HNF4A: variants seen among roughly 807,000 people sequenced by gnomAD.
The protein encoded by HNF4A is hepatocyte nuclear factor 4-alpha.
HNF4A carries 15 observed loss-of-function variants against 52.4 expected under a neutral mutation model. That is an observed-to-expected ratio of 0.29 (90% CI 0.19 to 0.44). The LOEUF (loss-of-function observed/expected upper bound fraction) is 0.44, where lower values mean the gene tolerates loss of function less well. HNF4A is among the 20% of genes least tolerant of loss of function. The pLI, the probability that HNF4A is intolerant of heterozygous loss-of-function variation, is 1.00. For synonymous variants in HNF4A, 280 were observed against 264.4 expected (o/e 1.06, Z -0.57); for missense variants, 479 against 647.2 (o/e 0.74, Z 2.82).
At chr20:44,425,473 T>C (rs990045375) in intron 8 of HNF4A, among the ~76,000 whole-genome samples, 3 of 152,078 alleles carry the variant, frequency 2.0e-5, no homozygotes, top group Non-Finnish European at 4.4e-5. Flanking sequence ...TGATCAGACA[T>C]AGGGAGTGAG....
upstream of HNF4A, among the ~76,000 whole-genome samples, chr20:44,398,380 C>T (rs946923090): frequency 3.3e-5 from 5 of 152,204 alleles, no homozygotes; most frequent in African/African-American, 9.7e-5. Flanking sequence ...TTCTGGGCAG[C>T]TGTATTATCA....
intron 5 of HNF4A, among the ~76,000 whole-genome samples, chr20:44,418,105 A>C (rs1209314984): frequency 6.6e-6 from 1 of 152,130 alleles, no homozygotes; most frequent in Non-Finnish European, 1.5e-5. Flanking sequence ...AGAATCTCAA[A>C]AAAGAAAAAA....
At chr20:44,360,640 G>T (rs1336476112) in intron 1 of HNF4A, among the ~76,000 whole-genome samples, 1 of 152,160 alleles carries the variant, frequency 6.6e-6, no homozygotes, top group African/African-American at 2.4e-5. Context: ...CTCTAAACAG[G>T]ACAAGTGAAG....
chr20:44,423,107 A>C (rs1442271103), intron 7 of HNF4A, among the ~76,000 whole-genome samples: 2 of 152,124 alleles, frequency 1.3e-5, no homozygotes, highest in Non-Finnish European at 2.9e-5. Flanking sequence ...ACTTGAGGTC[A>C]GAAGTTTGAG....
At chr20:44,420,771 T>C (rs574094989) in intron 7 of HNF4A, among the ~76,000 whole-genome samples, 66 of 152,182 alleles carry the variant, frequency 4.3e-4, no homozygotes, top group African/African-American at 1.4e-3. Context: ...TGAGATGTGA[T>C]TGCACCACTG....
intron 1 of HNF4A, chr20:44,402,583 G>A: frequency 7.3e-7 from 1 of 1,365,956 alleles, no homozygotes; most frequent in African/African-American, 1.5e-5. Flanking sequence ...TCGCCAGATT[G>A]AGGCATCCCC....
chr20:44,414,719 G>A, intron 5 of HNF4A, 57 bp downstream of exon 5: 2 of 1,530,146 alleles, frequency 1.3e-6, no homozygotes, highest in Admixed American at 1.9e-5. Context: ...CAGCCAGGGG[G>A]CTGCTGGCCC....
intron 3 of HNF4A, among the ~76,000 whole-genome samples, chr20:44,409,652 A>G (rs976460956): frequency 6.6e-6 from 1 of 152,114 alleles, no homozygotes; most frequent in African/African-American, 2.4e-5. Flanking sequence ...TTAGACATCC[A>G]GAGTCATTTT....
rs190584384 is a variant in HNF4A, at chr20:44,420,079, C to T, written c.892+203C>T. Among the ~76,000 whole-genome samples the T allele has an allele frequency of 2.5e-3, 387 of 152,288 alleles. No homozygotes were observed. Among genetic ancestry groups the T allele is most frequent in the African/African-American group, 8.9e-3 (368 of 41,576 alleles). ...GGGCGCAGTGGCTCACACCTGTAATCCCAGCACTTTGGGAGGCTGAGGCGG... is the reference window on the plus strand; with the variant it reads ...GGGCGCAGTGGCTCACACCTGTAATTCCAGCACTTTGGGAGGCTGAGGCGG... On this transcript the variant is annotated intron_variant, in intron 7 of 9. Transcript: ENST00000316099.
intron 1 of HNF4A, among the ~76,000 whole-genome samples, chr20:44,388,641 G>C (rs991012654): frequency 6.6e-6 from 1 of 152,106 alleles, no homozygotes; most frequent in Non-Finnish European, 1.5e-5. Flanking sequence ...TGCTGTGATT[G>C]GTGAAGTCCC....
intron 8 of HNF4A, chr20:44,424,583 G>T: frequency 7.2e-7 from 1 of 1,382,422 alleles, no homozygotes; most frequent in South Asian, 1.5e-5. Context: ...CCGTATGTGC[G>T]TGCATGTGTA....
rs141286509 is a variant in HNF4A at position 44,429,154 on chromosome 20, A to G, written c.1283-369A>G. ...AGCCAGCTGGTCCGGGGTTTCATCA[A>G]CTGCTGCTCCTTCTCCCAGGAAAGA... On this transcript the variant is annotated intron_variant, in intron 9 of 9. Coordinates refer to ENST00000316099, the MANE Select transcript of HNF4A (RefSeq NM_000457.6). Among the ~76,000 whole-genome samples, 29 of 152,288 alleles carry G rather than the reference A, an allele frequency of 1.9e-4. 2 individuals are homozygous for G. In the East Asian group the frequency reaches 5.6e-3, roughly 29 times the overall value.
chr20:44,406,162 G>A lies in HNF4A; in HGVS notation c.220G>A (p.Ala74Thr). The change falls in exon 2 of 10, where the codon GCC (alanine) becomes ACC (threonine). Residue 74 changes from alanine (A) to threonine (T), a missense_variant. By Grantham distance (58) the Ala-to-Thr change is moderately conservative. Transcript: ENST00000316099. Reference sequence around the variant, plus strand: ...CCGGGCCACGGGCAAACACTACGGTGCCTCGAGCTGTGACGGCTGCAAGGG... The same window carrying A: ...CCGGGCCACGGGCAAACACTACGGTACCTCGAGCTGTGACGGCTGCAAGGG... The A allele has an allele frequency of 6.2e-7, 1 of 1,613,978 alleles. No individual in the cohort carries two copies. The highest frequency in any genetic ancestry group is 8.5e-7 in the Non-Finnish European group (1 of 1,180,040).
At chr20:44,368,512 T>G (rs1407848552) in intron 1 of HNF4A, among the ~76,000 whole-genome samples, 1 of 151,910 alleles carries the variant, frequency 6.6e-6, no homozygotes, top group African/African-American at 2.4e-5. Context: ...CTGGGATGGG[T>G]AGAATTTTCT....
At chr20:44,416,040 C>A (rs962864842) in intron 5 of HNF4A, among the ~76,000 whole-genome samples, 1 of 152,148 alleles carries the variant, frequency 6.6e-6, no homozygotes, top group Non-Finnish European at 1.5e-5. Context: ...GATTTCCCAC[C>A]CAAACCTCCC....
chr20:44,404,308 C>T (rs567407506), intron 1 of HNF4A, among the ~76,000 whole-genome samples: 4 of 152,244 alleles, frequency 2.6e-5, no homozygotes, highest in African/African-American at 9.6e-5. Flanking sequence ...AGTAAACGAA[C>T]ACAGTCAATG....
intron 5 of HNF4A, 137 bp downstream of exon 5, chr20:44,414,799 C>A: frequency 1.2e-6 from 1 of 811,824 alleles, no homozygotes; most frequent in Non-Finnish European, 2.0e-6. Flanking sequence ...ACACACGTGT[C>A]TGAAACTTTA....
At chr20:44,406,263 A>T in intron 2 of HNF4A, 31 bp downstream of exon 2, 1 of 1,603,342 alleles carries the variant, frequency 6.2e-7, no homozygotes, top group African/African-American at 1.3e-5. Context: ...CAGCTGGGAA[A>T]TGGGCACACT....
chr20:44,422,627 C>A (rs1459023371), intron 7 of HNF4A, among the ~76,000 whole-genome samples: 1 of 148,880 alleles, frequency 6.7e-6, no homozygotes, highest in Non-Finnish European at 1.5e-5. Context: ...ATTCATCCAG[C>A]CATCTAACAA....
Sources: allele counts gnomAD v4.1 joint callset (sites outside exome capture counted in the v4.1 genomes callset), GRCh38; gene constraint gnomAD v4.1.1; transcripts MANE v1.5; gene names NCBI Gene and HGNC (gene_info 2026-07-23, HGNC 2026-07-21).